Variants in CUL7 observed in about 807,000 individuals in gnomAD.
CUL7 encodes cullin-7.
Under a neutral mutation model 177.7 loss-of-function variants are expected in CUL7, and 96 were observed. The ratio of observed to expected loss-of-function variants is 0.54; its 90% CI spans 0.46 to 0.64. CUL7 has a LOEUF of 0.64. CUL7 is among the 30% of genes least tolerant of loss of function. The probability of loss-of-function intolerance (pLI) is 0.00; values close to 1 mark genes in which losing one functional copy is unlikely to be tolerated. For synonymous variants in CUL7, 824 were observed against 890.2 expected (o/e 0.93, Z 1.32); for missense variants, 1,893 against 2,187.9 (o/e 0.87, Z 2.69).
rs1438213551 is a variant in CUL7 at position 43,040,342 on chromosome 6, C to T, written c.4108G>A (p.Gly1370Arg). The T allele has an allele frequency of 3.7e-6, 6 of 1,613,698 alleles. No homozygotes were observed. Among genetic ancestry groups the T allele is most frequent in the Non-Finnish European group, 5.1e-6 (6 of 1,179,966 alleles). Residue 1370 changes from glycine to arginine, a missense_variant, in exon 22 of 26, where the codon GGA (glycine) becomes AGA (arginine). Physicochemically the swap from Gly to Arg is moderately radical, Grantham distance 125 (BLOSUM62 -2). Around this residue, in one of 5 missense-constraint regions of CUL7, gnomAD observed 973 missense variants for 1,140.9 expected, o/e 0.85. Transcript: ENST00000265348. The surrounding 1 kb of genome is among the most constrained non-coding windows in gnomAD (Gnocchi z 4.2). ...TCATTCTCCTCCTCTTCCTCCTCTC[C>T]CTCCGCCACATCCACCACTGCTGCT... The part of the protein sequence containing the change: ...GAAAVVDVAE[G>R]EEEEEENEDL...
chr6:43,048,045 A>G (rs1764061676), intron 9 of CUL7, 103 bp downstream of exon 9: 1 of 710,278 alleles, frequency 1.4e-6, no homozygotes, highest in Admixed American at 2.4e-5. Flanking sequence ...CAAGAGCTCA[A>G]AGGCTCTATC....
rs1283685444 is a variant in CUL7 at position 43,048,110 on chromosome 6, C to A, written c.2169+38G>T. On this transcript the variant is annotated intron_variant, in intron 9 of 25. Transcript: ENST00000265348. Reference sequence around the variant, plus strand: ...TGCCTTGCCAGTGGCTGCCTTTATCCTCTCCCCCAGCCTCTCCCCAGAGCA... The same window carrying A: ...TGCCTTGCCAGTGGCTGCCTTTATCATCTCCCCCAGCCTCTCCCCAGAGCA... The A allele has an allele frequency of 2.1e-6, 3 of 1,413,154 alleles. No individual in the cohort carries two copies. The Admixed American group carries it at 5.6e-5, about 26-fold the overall frequency. 87.5% of individuals were successfully genotyped at this position (1,413,154 alleles called of 1,614,324 possible). A position where few individuals can be genotyped will look rare whatever the true frequency, so the allele number is the denominator to read the frequency against.
intron 19 of CUL7, 117 bp downstream of exon 19, chr6:43,042,685 A>T: frequency 1.4e-6 from 1 of 723,006 alleles, no homozygotes; most frequent in Non-Finnish European, 2.4e-6. Flanking sequence ...TAACATGGCT[A>T]TATACTAACA....
chr6:43,049,265 C>T (rs1764199362), intron 7 of CUL7, 142 bp downstream of exon 7: 2 of 1,059,938 alleles, frequency 1.9e-6, no homozygotes, highest in Non-Finnish European at 2.9e-6. Flanking sequence ...ATGCCTGCTT[C>T]TCCGTTTGTT....
chr6:43,050,890 C>A lies in CUL7; in HGVS notation c.1233+78G>T. On this transcript the variant is annotated intron_variant, in intron 4 of 25. Coordinates refer to ENST00000265348, the MANE Select transcript of CUL7 (RefSeq NM_014780.5). The surrounding 1 kb of genome is among the most constrained non-coding windows in gnomAD (Gnocchi z 4.1). ...TTTCTCTTTGGGTGGCCTGCTGGAG[C>A]CCCCCCATATAGAAGTCCCAGCTCT... 5 of 1,546,292 alleles carry A rather than the reference C, an allele frequency of 3.2e-6. No homozygotes were observed. The highest frequency in any genetic ancestry group is 4.4e-6 in the Non-Finnish European group (5 of 1,129,278).
chr6:43,048,546 G>C lies in CUL7; in HGVS notation c.1849C>G (p.Pro617Ala), dbSNP rs1466159919. Reference protein sequence around the residue: ...VEAKEPPSQSPNTPLQRLVEG... With the variant: ...VEAKEPPSQSANTPLQRLVEG... ...ACCAGACGCTGCAGGGGAGTGTTGGGACTCTGAGATGGGGGTTCTTTTGCT... is the reference window on the plus strand; with the variant it reads ...ACCAGACGCTGCAGGGGAGTGTTGGCACTCTGAGATGGGGGTTCTTTTGCT... Residue 617 changes from proline (P) to alanine (A), a missense_variant, in exon 8 of 26, where the codon CCC becomes GCC. Pro to Ala is a conservative substitution (Grantham distance 27). Around this residue, in one of 5 missense-constraint regions of CUL7, gnomAD observed 973 missense variants for 1,140.9 expected, o/e 0.85. Transcript: ENST00000265348. The C allele has an allele frequency of 6.2e-7, 1 of 1,614,120 alleles. No homozygotes were observed. Among genetic ancestry groups the C allele is most frequent in the Non-Finnish European group, 8.5e-7 (1 of 1,179,996 alleles).
chr6:43,038,833 C>G lies in CUL7; in HGVS notation c.4440+9G>C, dbSNP rs758101201. On this transcript the variant is annotated intron_variant, in intron 23 of 25. Coordinates refer to ENST00000265348, the MANE Select transcript of CUL7 (RefSeq NM_014780.5). ...GAGACAGGAGAGAGGTGCAGCGGGGCTGGGCCACCTTCAGGTCGTTGAGAT... is the reference window on the plus strand; with the variant it reads ...GAGACAGGAGAGAGGTGCAGCGGGGGTGGGCCACCTTCAGGTCGTTGAGAT... 1.9e-6 allele frequency: 3 copies of G among 1,614,182 alleles called. No homozygotes were observed. The highest frequency in any genetic ancestry group is 1.7e-6 in the Non-Finnish European group (2 of 1,180,028).
rs773464504 is a variant in CUL7, at chr6:43,038,980, G to A, written c.4302C>T (p.Ser1434=). ...RYSNFYNKSQ[S]HPALERGSQR... ...GTGAGCCTCGCTCAAGGGCAGGGTG[G>A]CTCTGACCTGGACCAGGAAGGGGGA... The change falls in exon 23 of 26, where the codon AGC becomes AGT. Residue 1434 remains serine, a synonymous_variant. Transcript: ENST00000265348. 1.9e-6 allele frequency: 3 copies of A among 1,607,908 alleles called. No individual in the cohort carries two copies. The highest frequency in any genetic ancestry group is 2.2e-5 in the South Asian group (2 of 90,952).
Position 43,050,060 on chromosome 6 carries a change from A to T in CUL7, c.1472T>A (p.Leu491Gln). Residue 491 changes from leucine (L) to glutamine (Q), a missense_variant, in exon 6 of 26, where the codon CTG (leucine) becomes CAG (glutamine). This residue lies in a region of CUL7 where 653 missense variants were observed against 725.2 expected (regional missense o/e 0.90). Transcript: ENST00000265348. The surrounding 1 kb of genome is among the most constrained non-coding windows in gnomAD (Gnocchi z 4.1). ...EDTEECEHLT[L>Q]AEWWELLFFI... ...GAAGAGGAGTTCCCACCACTCAGCC[A>T]GGGTCAGGTGTTCACACTCCTCAGT... 1 of 1,614,182 alleles carries T rather than the reference A, an allele frequency of 6.2e-7. No homozygotes were observed. The highest frequency in any genetic ancestry group is 8.5e-7 in the Non-Finnish European group (1 of 1,180,028).
In CUL7 at chr6:43,044,732, C is replaced by G. The variant is rs375785037; in HGVS notation, c.3172+20G>C. 1.9e-6 allele frequency: 3 copies of G among 1,605,294 alleles called. No homozygotes were observed. The African/African-American group carries it at 4.0e-5, about 21-fold the overall frequency. On this transcript the variant is annotated intron_variant, in intron 16 of 25. Transcript: ENST00000265348. ...ACCAAGCCCTGAGATAGTAATGGGT[C>G]CAGATGTCAGGATGGTTACCAGGGG...
Position 43,045,688 on chromosome 6 carries a change from AG to A in CUL7, c.2767-7del, listed in dbSNP as rs1357349346. ...GCAGAGGGCATCACATTCACCTGGC[AG>A]GGGGCAGAGAAAGCTGTCACCTCCA... On this transcript the variant is annotated splice_region_variant and splice_polypyrimidine_tract_variant and intron_variant, in intron 13 of 25. Coordinates refer to ENST00000265348, the MANE Select transcript of CUL7 (RefSeq NM_014780.5). The surrounding 1 kb of genome is among the most constrained non-coding windows in gnomAD (Gnocchi z 4.8). The A allele has an allele frequency of 6.2e-7, 1 of 1,614,170 alleles. No individual in the cohort carries two copies. Among genetic ancestry groups the A allele is most frequent in the Non-Finnish European group, 8.5e-7 (1 of 1,180,002 alleles).
rs1470712960 is a variant in CUL7, at chr6:43,051,924, C to T, written c.581-161G>A. On this transcript the variant is annotated intron_variant, in intron 2 of 25. Coordinates refer to ENST00000265348, the MANE Select transcript of CUL7 (RefSeq NM_014780.5). The surrounding 1 kb of genome is among the most constrained non-coding windows in gnomAD (Gnocchi z 5.0). ...TTGCTAACTTATACACATACACACA[C>T]ACACGCACATAAACACGATCTACAA... Among the ~76,000 whole-genome samples, 2 of 152,184 alleles carry T rather than the reference C, an allele frequency of 1.3e-5. No homozygotes were observed. The highest frequency in any genetic ancestry group is 1.3e-4 in the Admixed American group (2 of 15,266).
chr6:43,038,964 G>A lies in CUL7; in HGVS notation c.4318C>T (p.Arg1440Ter), dbSNP rs748555538. The A allele has an allele frequency of 6.8e-6, 11 of 1,611,794 alleles. No homozygotes were observed. Among genetic ancestry groups the A allele is most frequent in the Admixed American group, 5.0e-5 (3 of 60,012 alleles). ...CACTGCAGTCGCCTCTGTGAGCCTC[G>A]CTCAAGGGCAGGGTGGCTCTGACCT... ...NKSQSHPALE[R>*]GSQRRLQWTW... Residue 1440 changes from arginine to a stop codon, truncating the protein, a stop_gained, in exon 23 of 26, where the codon CGA becomes TGA. Coordinates refer to ENST00000265348, the MANE Select transcript of CUL7 (RefSeq NM_014780.5). LOFTEE classifies it high-confidence loss of function.
chr6:43,052,758 T>C lies in CUL7; in HGVS notation c.31A>G (p.Arg11Gly), dbSNP rs1764534160. ...TGTAAGCCGGGCCCCAGGGGCACCC[T>C]GAATTCCCTGTAGCGGAGTTCTCCC... MVGELRYREF[R>G]VPLGPGLHAY... Residue 11 changes from arginine (R) to glycine (G), a missense_variant, in exon 2 of 26, where the codon AGG becomes GGG. Around this residue, in one of 5 missense-constraint regions of CUL7, gnomAD observed 653 missense variants for 725.2 expected, o/e 0.90. Coordinates refer to ENST00000265348, the MANE Select transcript of CUL7 (RefSeq NM_014780.5). The surrounding 1 kb of genome is among the most constrained non-coding windows in gnomAD (Gnocchi z 4.5). The C allele has an allele frequency of 6.2e-7, 1 of 1,608,556 alleles. No individual in the cohort carries two copies. Among genetic ancestry groups the C allele is most frequent in the Admixed American group, 1.7e-5 (1 of 59,994 alleles).
rs1300274690 is a variant in CUL7, at chr6:43,048,176, C to T, written c.2141G>A (p.Cys714Tyr). The T allele has an allele frequency of 6.2e-7, 1 of 1,612,520 alleles. No individual in the cohort carries two copies. The highest frequency in any genetic ancestry group is 2.2e-5 in the East Asian group (1 of 44,876). The change falls in exon 9 of 26, where the codon TGC becomes TAC. Residue 714 changes from cysteine to tyrosine, a missense_variant. Transcript: ENST00000265348. ...WHEAVDACMA[C>Y]LRSPNTDREV... Reference sequence around the variant, plus strand: ...TCGATCAGTGTTTGGGGACCGCAGGCAGGCCATGCAGGCATCCACGGCCTC... The same window carrying T: ...TCGATCAGTGTTTGGGGACCGCAGGTAGGCCATGCAGGCATCCACGGCCTC...
rs957463670 is a variant in CUL7 at position 43,046,100 on chromosome 6, G to T, written c.2661-9C>A. 2 of 1,613,614 alleles carry T rather than the reference G, an allele frequency of 1.2e-6. No homozygotes were observed. The highest frequency in any genetic ancestry group is 1.6e-4 in the Middle Eastern group (1 of 6,084). ...CAAGCAGAGTCAGTTGCCTGGGAGT[G>T]GGGAGGAAAAACCATTTGGAACTTG... is the stretch of plus-strand genomic sequence containing the variant. On this transcript the variant is annotated splice_polypyrimidine_tract_variant and intron_variant, in intron 12 of 25. Coordinates refer to ENST00000265348, the MANE Select transcript of CUL7 (RefSeq NM_014780.5).
chr6:43,038,531 T>G (rs973060338), intron 24 of CUL7, 35 bp downstream of exon 24: 7 of 1,613,906 alleles, frequency 4.3e-6, no homozygotes, highest in Non-Finnish European at 5.1e-6. Context: ...TGGCCCTGCC[T>G]CAGAGCAGAG....
intron 11 of CUL7, 43 bp downstream of exon 11, chr6:43,046,468 C>G (rs1763915647): frequency 3.7e-6 from 6 of 1,613,984 alleles, no homozygotes; most frequent in Non-Finnish European, 5.1e-6. Context: ...GGGAAACAGA[C>G]ATAGGTGTGG....
At chr6:43,049,267 C>A in intron 7 of CUL7, 140 bp downstream of exon 7, 1 of 1,076,876 alleles carries the variant, frequency 9.3e-7, no homozygotes, top group East Asian at 2.4e-5. Flanking sequence ...GCCTGCTTCT[C>A]CGTTTGTTGC....
Sources: allele counts gnomAD v4.1 joint callset (sites outside exome capture counted in the v4.1 genomes callset), GRCh38; gene constraint gnomAD v4.1.1; regional missense constraint gnomAD v4.1.1; non-coding constraint Gnocchi (gnomAD v3.1); transcripts MANE v1.5; gene names NCBI Gene and HGNC (gene_info 2026-07-23, HGNC 2026-07-21).